The following ZFHX3 variants were observed in gnomAD, a reference collection of about 807,000 sequenced individuals.
The protein encoded by ZFHX3 is zinc finger homeobox protein 3.
Under a neutral mutation model 279.1 loss-of-function variants are expected in ZFHX3, and 42 were observed. That is an observed-to-expected ratio of 0.15 (90% confidence interval 0.12 to 0.19). The LOEUF is 0.19. ZFHX3 is among the 10% of genes least tolerant of loss of function. The pLI, the probability that ZFHX3 is intolerant of heterozygous loss-of-function variation, is 1.00. For synonymous variants in ZFHX3, 2,293 were observed against 1,957.8 expected, an observed-to-expected ratio of 1.17 and a Z score of -4.52; for missense variants, 4,981 against 4,754.0, an observed-to-expected ratio of 1.05 and a Z score of -1.40.
chr16:73,587,123 C>A (rs2051935282), intron 2 of ZFHX3, among the ~76,000 whole-genome samples: 1 of 152,092 alleles, frequency 6.6e-6, no homozygotes, highest in Non-Finnish European at 1.5e-5. Flanking sequence ...ATTCGAAGAA[C>A]TGGCTCTCAA....
intron 3 of ZFHX3, among the ~76,000 whole-genome samples, chr16:72,921,174 T>C (rs943127672): frequency 6.6e-6 from 1 of 151,364 alleles, no homozygotes; most frequent in Non-Finnish European, 1.5e-5. Flanking sequence ...ACGGAGCTCA[T>C]TTCTGAATTA....
chr16:72,939,664 G>T (rs1346995080), intron 3 of ZFHX3, among the ~76,000 whole-genome samples: 3 of 152,208 alleles, frequency 2.0e-5, no homozygotes, highest in Non-Finnish European at 2.9e-5. Context: ...CAAGTGGGCG[G>T]ATCACTTGAG....
intron 2 of ZFHX3, among the ~76,000 whole-genome samples, chr16:73,536,964 A>T (rs1375295495): frequency 6.6e-6 from 1 of 152,204 alleles, no homozygotes; most frequent in Non-Finnish European, 1.5e-5. Context: ...AAACTCACAC[A>T]GTGAGCAGCG....
Position 73,405,981 on chromosome 16 carries a change from G to A in ZFHX3, c.-1291+50022C>T, listed in dbSNP as rs543857575. ...TGCCACACAAACAATTCCTCCTAGGGATGTGTGGTTTCCAAGCAGCATCAG... is the reference window on the plus strand; with the variant it reads ...TGCCACACAAACAATTCCTCCTAGGAATGTGTGGTTTCCAAGCAGCATCAG... On this transcript the variant is annotated intron_variant, in intron 3 of 17. Transcript: ENST00000641206. 8.9e-4 allele frequency among the ~76,000 whole-genome samples: 136 copies of A among 152,362 alleles called. 1 individual carries two copies. The highest frequency in any genetic ancestry group is 3.0e-3 in the African/African-American group (126 of 41,586).
intron 3 of ZFHX3, among the ~76,000 whole-genome samples, chr16:72,915,359 G>A (rs1160655070): frequency 6.6e-6 from 1 of 152,178 alleles, no homozygotes; most frequent in Non-Finnish European, 1.5e-5. Flanking sequence ...TAGACTCGCA[G>A]AACACATCAA....
At chr16:73,484,683 T>A (rs2018942166) in intron 2 of ZFHX3, among the ~76,000 whole-genome samples, 2 of 152,182 alleles carry the variant, frequency 1.3e-5, no homozygotes, top group Non-Finnish European at 2.9e-5. Context: ...CCCAAAGCAT[T>A]CTCTCCTTTA....
intron 1 of ZFHX3, among the ~76,000 whole-genome samples, chr16:73,682,500 G>C (rs1003585109): frequency 2.6e-5 from 4 of 151,874 alleles, no homozygotes; most frequent in African/African-American, 9.7e-5. Context: ...CTAAAAGAAA[G>C]GTAGGCCGGG....
At chr16:73,441,752 G>A (rs1323995280) in intron 3 of ZFHX3, among the ~76,000 whole-genome samples, 1 of 152,058 alleles carries the variant, frequency 6.6e-6, no homozygotes, top group African/African-American at 2.4e-5. Flanking sequence ...TTTCCTAGAT[G>A]AGTAATTTTC....
At position 72,811,891 on chromosome 16, in the gene ZFHX3, C is replaced by G; in HGVS notation, c.3663+14G>C. The G allele has an allele frequency of 6.2e-7, 1 of 1,613,190 alleles. No homozygotes were observed. The highest frequency in any genetic ancestry group is 8.5e-7 in the Non-Finnish European group (1 of 1,179,462). On this transcript the variant is annotated intron_variant, in intron 6 of 9. Coordinates refer to ENST00000268489, the MANE Select transcript of ZFHX3 (RefSeq NM_006885.4). ...ACCTCACCTCCCCACCAGCAGAGTCCCTTCCAGCCTCACCTGCTCCGGTTT... is the reference window on the plus strand; with the variant it reads ...ACCTCACCTCCCCACCAGCAGAGTCGCTTCCAGCCTCACCTGCTCCGGTTT...
At chr16:73,611,161 T>G (rs751282602) in intron 2 of ZFHX3, among the ~76,000 whole-genome samples, 1 of 152,168 alleles carries the variant, frequency 6.6e-6, no homozygotes, top group Non-Finnish European at 1.5e-5. Flanking sequence ...TTGGTTTTTT[T>G]TGAGTTTTTG....
At chr16:73,439,428 G>C (rs181619085) in intron 3 of ZFHX3, among the ~76,000 whole-genome samples, 2 of 151,876 alleles carry the variant, frequency 1.3e-5, no homozygotes, top group Non-Finnish European at 2.9e-5. Context: ...TAGGAATCAC[G>C]GACATGGAAT....
chr16:73,038,715 G>T (rs1171989628), intron 1 of ZFHX3, among the ~76,000 whole-genome samples: 5 of 151,910 alleles, frequency 3.3e-5, no homozygotes, highest in Admixed American at 6.6e-5. Context: ...GCACTAGAGA[G>T]GTGCAAATGT....
intron 7 of ZFHX3, among the ~76,000 whole-genome samples, chr16:73,095,413 G>A (rs1597154881): frequency 6.6e-6 from 1 of 152,196 alleles, no homozygotes; most frequent in East Asian, 1.9e-4. Context: ...TAAGCAGACT[G>A]AGCTAATAAC....
At chr16:73,410,836 A>G (rs2017451561) in intron 3 of ZFHX3, among the ~76,000 whole-genome samples, 1 of 152,208 alleles carries the variant, frequency 6.6e-6, no homozygotes, top group African/African-American at 2.4e-5. Context: ...GCATGATTCC[A>G]TCTCCTTCCC....
intron 5 of ZFHX3, among the ~76,000 whole-genome samples, chr16:73,199,134 A>G (rs768129462): frequency 8.5e-5 from 13 of 152,214 alleles, no homozygotes; most frequent in Non-Finnish European, 1.8e-4. Context: ...ACTGATGTCC[A>G]GGTTCAACTA....
intron 1 of ZFHX3, among the ~76,000 whole-genome samples, chr16:73,783,911 G>A (rs551980271): frequency 2.0e-5 from 3 of 152,212 alleles, no homozygotes; most frequent in Admixed American, 6.5e-5. Flanking sequence ...TGTTTCAGCT[G>A]GTAGCATCCA....
intron 1 of ZFHX3, among the ~76,000 whole-genome samples, chr16:73,729,059 C>A (rs2053546351): frequency 6.6e-6 from 1 of 152,120 alleles, no homozygotes; most frequent in Non-Finnish European, 1.5e-5. Context: ...TAATAAGGGT[C>A]AGGACATAGA....
intron 3 of ZFHX3, among the ~76,000 whole-genome samples, chr16:72,894,886 G>C (rs886370479): frequency 6.6e-6 from 1 of 152,110 alleles, no homozygotes; most frequent in Admixed American, 6.5e-5. Context: ...GAGGGCAACC[G>C]GGTTCTGTTT....
intron 2 of ZFHX3, among the ~76,000 whole-genome samples, chr16:73,546,675 TGCTGC>T (rs2020114839): frequency 2.7e-4 from 1 of 3,714 alleles, no homozygotes; most frequent in South Asian, 0.014. Flanking sequence ...CTGCTGTTGC[TGCTGC>T]TGCTGCTGCT....
Sources: gnomAD v4.1 joint callset for allele counts (sites outside exome capture counted in the v4.1 genomes callset) on GRCh38, gnomAD v4.1.1 for gene constraint, MANE v1.5 for transcripts, NCBI Gene and HGNC (gene_info 2026-07-23, HGNC 2026-07-21) for gene names.